TDRD1: variants seen among roughly 807,000 people sequenced by gnomAD.
TDRD1 encodes the protein tudor domain-containing protein 1.
Under a neutral mutation model 140.6 loss-of-function variants are expected in TDRD1, and 37 were observed. The observed-to-expected ratio is 0.26, with a 90% CI of 0.20 to 0.35. TDRD1 has a LOEUF of 0.35. Ranked by LOEUF, TDRD1 falls within the 10% of genes least tolerant of loss-of-function variation. The pLI, the probability that TDRD1 is intolerant of heterozygous loss-of-function variation, is 1.00. For missense variants in TDRD1, 1,243 were observed against 1,393.0 expected, an observed-to-expected ratio of 0.89 and a Z score of 1.71; for synonymous variants, 506 against 475.7, an observed-to-expected ratio of 1.06 and a Z score of -0.83.
exon 2 of TDRD1, chr10:114,188,058 A>G: frequency 1.2e-6 from 2 of 1,614,194 alleles, no homozygotes; most frequent in Non-Finnish European, 8.5e-7. Context: ...ACCAAACAAT[A>G]TTTGGCTAGT....
intron 25 of TDRD1, among the ~76,000 whole-genome samples, chr10:114,230,323 A>G (rs1310512645): frequency 6.6e-6 from 1 of 152,226 alleles, no homozygotes; most frequent in Non-Finnish European, 1.5e-5. Context: ...ATAGTAGTTG[A>G]ACTGGATTTT....
chr10:114,216,101 T>A (rs1400957850), intron 16 of TDRD1, among the ~76,000 whole-genome samples: 1 of 152,270 alleles, frequency 6.6e-6, no homozygotes, highest in African/African-American at 2.4e-5. Context: ...AGAGTTCCTG[T>A]ATACACCTCA....
chr10:114,188,096 C>A, exon 2 of TDRD1: 5 of 1,612,002 alleles, frequency 3.1e-6, no homozygotes, highest in Non-Finnish European at 4.2e-6. Context: ...TTCTTCAAAC[C>A]CGAATGGCAT....
intron 3 of TDRD1, among the ~76,000 whole-genome samples, chr10:114,191,748 C>A (rs1309448543): frequency 6.6e-6 from 1 of 152,202 alleles, no homozygotes; most frequent in East Asian, 1.9e-4. Flanking sequence ...GGTACAATTT[C>A]TGGGTTGAAG....
chr10:114,191,940 G>A (rs2033993588), intron 3 of TDRD1, among the ~76,000 whole-genome samples: 1 of 152,126 alleles, frequency 6.6e-6, no homozygotes, highest in African/African-American at 2.4e-5. Flanking sequence ...CTATCTCATT[G>A]TGGTTTAACT....
At chr10:114,186,684 C>G (rs1214050242) in intron 1 of TDRD1, among the ~76,000 whole-genome samples, 1 of 152,208 alleles carries the variant, frequency 6.6e-6, no homozygotes, top group South Asian at 2.1e-4. Context: ...CCCCTGGCAG[C>G]TGCAGGATCT....
At chr10:114,201,441 C>G in exon 5 of TDRD1, 1 of 1,613,990 alleles carries the variant, frequency 6.2e-7, no homozygotes, top group East Asian at 2.2e-5. Flanking sequence ...GCAAGCAGAC[C>G]TACTATTGCT....
Position 114,210,960 on chromosome 10 carries a change from G to A in TDRD1, c.1653G>A (p.Gln551=), listed in dbSNP as rs117986643. Residue 551 remains glutamine, a synonymous_variant, in exon 13 of 26, where the codon CAG becomes CAA. Coordinates refer to ENST00000251864, the Ensembl canonical transcript of TDRD1. ...CCATTGGTGATATATGTTGTGCTCA[G>A]TTCTCAGGTAAGGACAGAGTATTAC... 1,919 of 1,613,400 alleles carry A rather than the reference G, an allele frequency of 1.2e-3. 70 individuals are homozygous for A. In the East Asian group the frequency reaches 0.042, roughly 35 times the overall value.
intron 25 of TDRD1, among the ~76,000 whole-genome samples, chr10:114,230,439 T>C (rs1162684376): frequency 3.9e-5 from 6 of 152,230 alleles, no homozygotes; most frequent in Admixed American, 6.5e-5. Context: ...TCTACTCACA[T>C]ACTTAATCTT....
upstream of TDRD1, among the ~76,000 whole-genome samples, chr10:114,178,324 T>G (rs1455370201): frequency 6.6e-6 from 1 of 152,198 alleles, no homozygotes; most frequent in Non-Finnish European, 1.5e-5. Flanking sequence ...GTTAAACTAC[T>G]CCAAAGCAGT....
At chr10:114,204,744 A>G (rs756873657) in exon 10 of TDRD1, 3 of 1,593,856 alleles carry the variant, frequency 1.9e-6, no homozygotes, top group East Asian at 2.3e-5. Flanking sequence ...TTTGTAGCCA[A>G]TGTTATCCCA....
At chr10:114,190,574 G>A (rs1361720774) in intron 2 of TDRD1, among the ~76,000 whole-genome samples, 5 of 152,116 alleles carry the variant, frequency 3.3e-5, no homozygotes, top group African/African-American at 9.7e-5. Context: ...TGAAACCTCC[G>A]CCTCCCAGGT....
intron 15 of TDRD1, 120 bp downstream of exon 15, chr10:114,213,708 G>A (rs2035632897): frequency 2.1e-6 from 2 of 970,196 alleles, no homozygotes; most frequent in Non-Finnish European, 3.0e-6. Flanking sequence ...TTTAAATCAA[G>A]CATTCATCTA....
At chr10:114,203,963 T>G in intron 8 of TDRD1, 110 bp from the exon 9 acceptor site, 6 of 1,333,728 alleles carry the variant, frequency 4.5e-6, no homozygotes, top group Middle Eastern at 2.7e-4. Context: ...ATTGAGTGCC[T>G]CAGAACAGGA....
At chr10:114,187,921 A>G (rs545916035) in exon 2 of TDRD1, 1 of 1,613,314 alleles carries the variant, frequency 6.2e-7, no homozygotes, top group East Asian at 2.2e-5. Context: ...ATTTTGAGAA[A>G]AATGAAAACA....
Position 114,227,061 on chromosome 10 carries a change from A to G in TDRD1, c.3176-11A>G, listed in dbSNP as rs372320125. ...AAGGGACTAAAAGACTATAATATCTATTTTTTCCAGGATTAATGGAATTGA... is the reference window on the plus strand; with the variant it reads ...AAGGGACTAAAAGACTATAATATCTGTTTTTTCCAGGATTAATGGAATTGA... On this transcript the variant is annotated splice_polypyrimidine_tract_variant and intron_variant, in intron 22 of 25. Coordinates refer to ENST00000251864, the Ensembl canonical transcript of TDRD1. 11 of 1,379,652 alleles carry G rather than the reference A, an allele frequency of 8.0e-6. No individual in the cohort carries two copies. Among genetic ancestry groups the G allele is most frequent in the African/African-American group, 1.4e-5 (1 of 69,286 alleles). The allele number at this position is 1,379,652 out of a possible 1,614,324, so 85.5% of individuals were successfully genotyped here.
Position 114,203,376 on chromosome 10 carries a change from T to A in TDRD1, c.802-12T>A, listed in dbSNP as rs201161545. The A allele has an allele frequency of 1.8e-5, 28 of 1,553,318 alleles. No homozygotes were observed. Among genetic ancestry groups the A allele is most frequent in the South Asian group, 8.4e-5 (7 of 83,312 alleles). ...CTTATGAATTATTCCTCTTTTTTTT[T>A]ATCTTTGAAAGGGTACGGTTACCGA... On this transcript the variant is annotated splice_polypyrimidine_tract_variant and intron_variant, in intron 7 of 25. Transcript: ENST00000251864.
intron 4 of TDRD1, 99 bp downstream of exon 4, chr10:114,199,416 G>T (rs2034581275): frequency 7.0e-7 from 1 of 1,431,454 alleles, no homozygotes; most frequent in Non-Finnish European, 9.3e-7. Context: ...AATTAGAACA[G>T]TGTCCCCATG....
chr10:114,229,708 C>G (rs1482417296), intron 25 of TDRD1, among the ~76,000 whole-genome samples: 1 of 151,302 alleles, frequency 6.6e-6, no homozygotes, highest in Non-Finnish European at 1.5e-5. Flanking sequence ...ACTGCCACAC[C>G]CGGCTAATCT....
Sources: allele counts gnomAD v4.1 joint callset (sites outside exome capture counted in the v4.1 genomes callset), GRCh38; gene constraint gnomAD v4.1.1; transcripts MANE v1.5; gene names NCBI Gene and HGNC (gene_info 2026-07-23, HGNC 2026-07-21).